KIAA0513: variants seen among roughly 807,000 people sequenced by gnomAD.
KIAA0513 encodes the protein uncharacterized protein KIAA0513.
KIAA0513 carries 39 observed loss-of-function variants against 56.5 expected under a neutral mutation model. That is an observed-to-expected ratio of 0.69 (90% confidence interval 0.53 to 0.90). KIAA0513 has a LOEUF of 0.90. KIAA0513 is among the 40% of genes least tolerant of loss of function. The probability of loss-of-function intolerance (pLI) is 0.00; values close to 1 mark genes in which losing one functional copy is unlikely to be tolerated. For missense variants in KIAA0513, 591 were observed against 535.2 expected (o/e 1.10, Z -1.03); for synonymous variants, 268 against 215.6 (o/e 1.24, Z -2.13).
rs1477822675 is a variant in KIAA0513, at chr16:85,089,438, G to C, written c.*1113G>C. 1 of 152,706 alleles carries C rather than the reference G, an allele frequency of 6.5e-6. No homozygotes were observed. Among genetic ancestry groups the C allele is most frequent in the African/African-American group, 2.4e-5 (1 of 41,472 alleles). 9.5% of individuals were successfully genotyped at this position (152,706 alleles called of 1,614,324 possible). On this transcript the variant is annotated 3_prime_UTR_variant, in exon 13 of 13. Coordinates refer to ENST00000683363, the MANE Select transcript of KIAA0513 (RefSeq NM_001388359.1). The surrounding 1 kb of genome is among the most constrained non-coding windows in gnomAD (Gnocchi z 4.2). ...CCTTCACCTCGCACTTACTGCCTGG[G>C]AACCACGGCCCTTCTCTTCTGTGGG...
intron 1 of KIAA0513, among the ~76,000 whole-genome samples, chr16:85,061,207 T>C (rs113571247): frequency 1.3e-5 from 2 of 151,708 alleles, no homozygotes; most frequent in African/African-American, 4.8e-5. Context: ...ACCAAGTATA[T>C]ATTGCTGCAG....
intron 1 of KIAA0513, among the ~76,000 whole-genome samples, chr16:85,066,234 T>G (rs1597622667): frequency 6.6e-6 from 1 of 151,136 alleles, no homozygotes; most frequent in African/African-American, 2.4e-5. Context: ...AACTCCAGGG[T>G]GGGAATGGCG....
chr16:85,049,583 G>A (rs1417242418), intron 1 of KIAA0513, among the ~76,000 whole-genome samples: 7 of 152,238 alleles, frequency 4.6e-5, no homozygotes, highest in Middle Eastern at 3.4e-3. Flanking sequence ...GTTTAAAAGC[G>A]TGTGGCACCT....
At chr16:85,035,120 C>T (rs1400577054) in intron 1 of KIAA0513, among the ~76,000 whole-genome samples, 1 of 152,198 alleles carries the variant, frequency 6.6e-6, no homozygotes, top group Non-Finnish European at 1.5e-5. Context: ...GGCCCCAGGA[C>T]ATCTTCCCGG....
At chr16:85,046,212 T>G (rs1291193134) in intron 1 of KIAA0513, among the ~76,000 whole-genome samples, 4 of 152,210 alleles carry the variant, frequency 2.6e-5, no homozygotes, top group Admixed American at 1.3e-4. Flanking sequence ...GCGCCATGCC[T>G]TTCTGGGCAG....
Position 85,071,941 on chromosome 16 carries a change from C to T in KIAA0513, c.429+59C>T, listed in dbSNP as rs1342735590. Reference sequence around the variant, plus strand: ...ACTCTCAAGGAAGAATCTAGTGAAGCATAACAAATTTGACTTTATCCTACA... The same window carrying T: ...ACTCTCAAGGAAGAATCTAGTGAAGTATAACAAATTTGACTTTATCCTACA... On this transcript the variant is annotated intron_variant, in intron 3 of 12. Transcript: ENST00000683363. 3 of 1,167,608 alleles carry T rather than the reference C, an allele frequency of 2.6e-6. No homozygotes were observed. The East Asian group carries it at 7.1e-5, about 27-fold the overall frequency. 72.3% of individuals were successfully genotyped at this position (1,167,608 alleles called of 1,614,324 possible).
chr16:85,028,474 C>G (rs564709154), intron 1 of KIAA0513, among the ~76,000 whole-genome samples: 1 of 152,226 alleles, frequency 6.6e-6, no homozygotes, highest in African/African-American at 2.4e-5. Flanking sequence ...GGCCAGTGAG[C>G]AAAGGGGAGG....
chr16:85,047,625 C>T (rs890253459), intron 1 of KIAA0513, among the ~76,000 whole-genome samples: 2 of 152,182 alleles, frequency 1.3e-5, no homozygotes, highest in Non-Finnish European at 2.9e-5. Flanking sequence ...ACTGTTGCCA[C>T]CACTGCCGCT....
At position 85,088,659 on chromosome 16, in the gene KIAA0513, A is replaced by T; in HGVS notation, c.*334A>T. On this transcript the variant is annotated 3_prime_UTR_variant, in exon 13 of 13. Transcript: ENST00000683363. ...GGCCATCGTGGGCCAAGGGCTGGCG[A>T]GGGTGGGGGCGGGCAAGGGATGCAG... 10 of 271,490 alleles carry T rather than the reference A, an allele frequency of 3.7e-5. No homozygotes were observed. The highest frequency in any genetic ancestry group is 4.9e-5 in the Non-Finnish European group (7 of 142,282). The allele number at this position is 271,490 out of a possible 1,614,324, so 16.8% of individuals were successfully genotyped here. A position where few individuals can be genotyped will look rare whatever the true frequency, so the allele number is the denominator to read the frequency against.
chr16:85,037,830 C>G (rs1440649983), intron 1 of KIAA0513, among the ~76,000 whole-genome samples: 3 of 152,180 alleles, frequency 2.0e-5, no homozygotes, highest in African/African-American at 4.8e-5. Context: ...GCATCTCTCA[C>G]GTCCTCTCTC....
At chr16:85,078,394 A>T (rs757491280) in intron 6 of KIAA0513, 21 bp from the exon 7 acceptor site, 1 of 1,613,928 alleles carries the variant, frequency 6.2e-7, no homozygotes, top group East Asian at 2.2e-5. Flanking sequence ...GTGTGTCATC[A>T]TTGTGCCTTC....
chr16:85,066,533 C>A (rs1011338343), intron 1 of KIAA0513, among the ~76,000 whole-genome samples: 1 of 152,156 alleles, frequency 6.6e-6, no homozygotes, highest in Non-Finnish European at 1.5e-5. Context: ...CCACTGATTC[C>A]AGTGACAGCT....
intron 4 of KIAA0513, among the ~76,000 whole-genome samples, chr16:85,073,955 T>C (rs1259668703): frequency 6.6e-6 from 1 of 151,550 alleles, no homozygotes; most frequent in Non-Finnish European, 1.5e-5. Context: ...GTCGTTTTTT[T>C]TGTTTTGTTT....
intron 1 of KIAA0513, among the ~76,000 whole-genome samples, chr16:85,030,027 G>C (rs937370126): frequency 6.6e-6 from 1 of 152,146 alleles, no homozygotes; most frequent in Non-Finnish European, 1.5e-5. Context: ...GAAGTGGGGC[G>C]GATCCGGGTG....
At chr16:85,074,927 T>A (rs559140478) in intron 4 of KIAA0513, among the ~76,000 whole-genome samples, 1 of 152,176 alleles carries the variant, frequency 6.6e-6, no homozygotes, top group African/African-American at 2.4e-5. Context: ...TTTGAGTTTT[T>A]TGTCCTATAT....
chr16:85,085,154 C>T (rs2073794013), intron 10 of KIAA0513, among the ~76,000 whole-genome samples: 1 of 152,184 alleles, frequency 6.6e-6, no homozygotes, highest in African/African-American at 2.4e-5. Context: ...GTCTGGACAA[C>T]CCTCAGGGTG....
Position 85,076,809 on chromosome 16 carries a change from C to T in KIAA0513, c.575-616C>T, listed in dbSNP as rs1046358035. 4.6e-5 allele frequency among the ~76,000 whole-genome samples: 7 copies of T among 152,272 alleles called. No homozygotes were observed. Among genetic ancestry groups the T allele is most frequent in the Admixed American group, 3.3e-4 (5 of 15,302 alleles). ...CCTGTGGCTCCTCCTTTTTGAAGAA[C>T]GGATAGACACATAATGAATAGACAC... is the stretch of plus-strand genomic sequence containing the variant. On this transcript the variant is annotated intron_variant, in intron 5 of 12. Transcript: ENST00000683363. This position sits in a 1 kb window ranked among gnomAD's most constrained non-coding sequence, Gnocchi z 4.7.
At chr16:85,065,667 C>T (rs2073470236) in intron 1 of KIAA0513, among the ~76,000 whole-genome samples, 1 of 152,222 alleles carries the variant, frequency 6.6e-6, no homozygotes, top group African/African-American at 2.4e-5. Flanking sequence ...AGCAGTTTCA[C>T]AGCCACCTCA....
chr16:85,048,913 C>T (rs1018734197), intron 1 of KIAA0513, among the ~76,000 whole-genome samples: 2 of 152,092 alleles, frequency 1.3e-5, no homozygotes, highest in African/African-American at 4.8e-5. Context: ...TGGCCACAGC[C>T]CAGAGGGAGG....
Sources: gnomAD v4.1 joint callset for allele counts (sites outside exome capture counted in the v4.1 genomes callset) on GRCh38, gnomAD v4.1.1 for gene constraint, Gnocchi (gnomAD v3.1) non-coding constraint, MANE v1.5 for transcripts, NCBI Gene and HGNC (gene_info 2026-07-23, HGNC 2026-07-21) for gene names.